ZNF365: variants seen among roughly 807,000 people sequenced by gnomAD.
ZNF365 encodes the protein zinc finger protein 365.
A neutral mutation model predicts 35.0 loss-of-function variants in ZNF365; 22 were observed. The ratio of observed to expected loss-of-function variants is 0.63; its 90% CI spans 0.45 to 0.90. The LOEUF (loss-of-function observed/expected upper bound fraction) is 0.90. ZNF365 is among the 40% of genes least tolerant of loss of function. The pLI is 0.00. For missense variants in ZNF365, 448 were observed against 500.3 expected (o/e 0.90, Z 1.00); for synonymous variants, 188 against 196.2 (o/e 0.96, Z 0.35).
intron 2 of ZNF365, among the ~76,000 whole-genome samples, chr10:62,379,808 C>G (rs1173401396): frequency 6.6e-6 from 1 of 152,168 alleles, no homozygotes; most frequent in Non-Finnish European, 1.5e-5. Context: ...GTTGGCCTTT[C>G]AGATAAGGGA....
At chr10:62,477,077 G>T (rs1564605306) in intron 4 of ZNF365, among the ~76,000 whole-genome samples, 1 of 152,186 alleles carries the variant, frequency 6.6e-6, no homozygotes, top group Non-Finnish European at 1.5e-5. Flanking sequence ...GCATGGGGGG[G>T]ATTAAAAAGT....
intron 3 of ZNF365, among the ~76,000 whole-genome samples, chr10:62,394,616 CATATT>C (rs1839691016): frequency 6.6e-6 from 1 of 152,054 alleles, no homozygotes; most frequent in Non-Finnish European, 1.5e-5. Context: ...TCTGAGTAAG[CATATT>C]ATATTTTTAG....
chr10:62,436,000 G>C (rs970520148), intron 3 of ZNF365, among the ~76,000 whole-genome samples: 3 of 152,134 alleles, frequency 2.0e-5, no homozygotes, highest in Non-Finnish European at 2.9e-5. Flanking sequence ...TTTCACACCT[G>C]AGACTCTTCA....
In ZNF365 at chr10:62,395,699, G is replaced by A. The variant is rs369201293; in HGVS notation, c.925-3041G>A. Among the ~76,000 whole-genome samples, 10 of 151,964 alleles carry A rather than the reference G, an allele frequency of 6.6e-5. No individual in the cohort carries two copies. The South Asian group carries it at 1.5e-3, about 22-fold the overall frequency. On this transcript the variant is annotated intron_variant, in intron 3 of 4. Coordinates refer to ENST00000395254, the MANE Select transcript of ZNF365 (RefSeq NM_014951.3). ...TGCTCCAAAATCCAAAACATTTTGAGTGCTCCAGGGTCATGCTCAAAGGAA... is the reference window on the plus strand; with the variant it reads ...TGCTCCAAAATCCAAAACATTTTGAATGCTCCAGGGTCATGCTCAAAGGAA...
At chr10:62,453,421 A>G (rs971410197) in intron 3 of ZNF365, among the ~76,000 whole-genome samples, 14 of 152,244 alleles carry the variant, frequency 9.2e-5, no homozygotes, top group African/African-American at 3.4e-4. Context: ...CACTTAAAAT[A>G]ATGGCCTCCA....
chr10:62,424,499 C>T (rs1020973375), intron 3 of ZNF365, among the ~76,000 whole-genome samples: 4 of 152,248 alleles, frequency 2.6e-5, no homozygotes, highest in Admixed American at 2.0e-4. Context: ...TTCTGTTGGC[C>T]TAGTTCTCTA....
intron 3 of ZNF365, among the ~76,000 whole-genome samples, chr10:62,409,825 T>C (rs2132438410): frequency 6.6e-6 from 1 of 152,288 alleles, no homozygotes; most frequent in African/African-American, 2.4e-5. Flanking sequence ...TGGGGTCCTG[T>C]ATAAGCCAGT....
At position 62,413,770 on chromosome 10, in the gene ZNF365, G is replaced by A. The variant is rs188468318; in HGVS notation, c.924+25194G>A. On this transcript the variant is annotated intron_variant, in intron 3 of 4. Transcript: ENST00000395255. ...TCCTTTGCATTCACCACGAGAAGCAGAGGTTTTTAACCAGAAATAAGAGGA... is the reference window on the plus strand; with the variant it reads ...TCCTTTGCATTCACCACGAGAAGCAAAGGTTTTTAACCAGAAATAAGAGGA... Among the ~76,000 whole-genome samples the A allele has an allele frequency of 1.2e-4, 19 of 152,310 alleles. No individual in the cohort carries two copies. The East Asian group carries it at 3.7e-3, about 29-fold the overall frequency.
intron 3 of ZNF365, among the ~76,000 whole-genome samples, chr10:62,450,604 G>A (rs907219389): frequency 1.3e-5 from 2 of 152,292 alleles, no homozygotes; most frequent in Middle Eastern, 3.4e-3. Flanking sequence ...CCTTTCTGCT[G>A]CTTTATTCTT....
chr10:62,422,644 C>T (rs533322450), intron 3 of ZNF365, among the ~76,000 whole-genome samples: 2 of 152,138 alleles, frequency 1.3e-5, no homozygotes, highest in African/African-American at 4.8e-5. Flanking sequence ...CGCGGCCATG[C>T]TCTATTCTGA....
At chr10:62,463,023 T>A (rs1298541564) in intron 4 of ZNF365, among the ~76,000 whole-genome samples, 1 of 152,232 alleles carries the variant, frequency 6.6e-6, no homozygotes, top group East Asian at 1.9e-4. Flanking sequence ...TTCCAAGGCC[T>A]TGTTGTGGAT....
At chr10:62,475,797 A>G (rs1841121119) in intron 4 of ZNF365, among the ~76,000 whole-genome samples, 1 of 152,234 alleles carries the variant, frequency 6.6e-6, no homozygotes, top group Non-Finnish European at 1.5e-5. Context: ...GGCAGGCCCA[A>G]TTAAGCCACC....
At chr10:62,399,318 C>T (rs1005730539) in intron 4 of ZNF365, among the ~76,000 whole-genome samples, 3 of 152,042 alleles carry the variant, frequency 2.0e-5, no homozygotes, top group African/African-American at 7.3e-5. Flanking sequence ...TAATATCTCC[C>T]TGGGAATTTA....
At chr10:62,415,631 A>C (rs1840062134) in intron 3 of ZNF365, among the ~76,000 whole-genome samples, 1 of 152,196 alleles carries the variant, frequency 6.6e-6, no homozygotes, top group African/African-American at 2.4e-5. Context: ...CATGAAAAGC[A>C]TGCTACTTTG....
At position 62,402,410 on chromosome 10, in the gene ZNF365, A is replaced by G. The variant is rs1473133908; in HGVS notation, c.*2621A>G. ...GTTCCAGAATTAAAGAAGTTTTTAGATTATGAAATATTATGATAATAAAGC... is the reference window on the plus strand; with the variant it reads ...GTTCCAGAATTAAAGAAGTTTTTAGGTTATGAAATATTATGATAATAAAGC... On this transcript the variant is annotated 3_prime_UTR_variant, in exon 5 of 5. Transcript: ENST00000395254. 7 of 984,470 alleles carry G rather than the reference A, an allele frequency of 7.1e-6. No individual in the cohort carries two copies. The African/African-American group carries it at 1.2e-4, about 17-fold the overall frequency. 61.0% of individuals were successfully genotyped at this position (984,470 alleles called of 1,614,324 possible). A position where few individuals can be genotyped will look rare whatever the true frequency, so the allele number is the denominator to read the frequency against.
exon 5 of ZNF365, chr10:62,479,989 A>G: frequency 6.3e-7 from 1 of 1,584,078 alleles, no homozygotes. Context: ...TTCAACAAAT[A>G]TTTATTAAGC....
At chr10:62,421,120 G>C (rs966421161) in intron 3 of ZNF365, among the ~76,000 whole-genome samples, 1 of 152,000 alleles carries the variant, frequency 6.6e-6, no homozygotes, top group Non-Finnish European at 1.5e-5. Context: ...GCTTATACTG[G>C]AAAAATATGT....
intron 3 of ZNF365, among the ~76,000 whole-genome samples, chr10:62,415,284 T>G (rs889571421): frequency 6.6e-6 from 1 of 152,140 alleles, no homozygotes; most frequent in Non-Finnish European, 1.5e-5. Context: ...CCAGATGACT[T>G]TTTCTTTCTC....
chr10:62,447,866 C>T (rs1401693668), intron 3 of ZNF365, among the ~76,000 whole-genome samples: 1 of 152,200 alleles, frequency 6.6e-6, no homozygotes. Context: ...TCTTAACCCT[C>T]ACATTGGTTC....
Sources: gnomAD v4.1 joint callset for allele counts (sites outside exome capture counted in the v4.1 genomes callset) on GRCh38, gnomAD v4.1.1 for gene constraint, MANE v1.5 for transcripts, NCBI Gene and HGNC (gene_info 2026-07-23, HGNC 2026-07-21) for gene names.